The following CTTNBP2 variants were observed in gnomAD, a reference collection of about 807,000 sequenced individuals.
CTTNBP2 encodes cortactin binding protein 2, also known as cortactin-binding protein 2.
In CTTNBP2, 108 loss-of-function variants were observed where a neutral mutation model predicts 156.9. The observed-to-expected ratio is 0.69, with a 90% CI of 0.59 to 0.81. The LOEUF is 0.81. Ranked by LOEUF, CTTNBP2 falls within the 30% of genes least tolerant of loss-of-function variation. The probability of loss-of-function intolerance (pLI) is 0.00; values close to 1 mark genes in which losing one functional copy is unlikely to be tolerated. For missense variants in CTTNBP2, 1,924 were observed against 2,035.4 expected, an observed-to-expected ratio of 0.95 and a Z score of 1.05; for synonymous variants, 767 against 751.8, an observed-to-expected ratio of 1.02 and a Z score of -0.33.
chr7:117,720,406 CTG>C (rs1344132027), intron 20 of CTTNBP2, among the ~76,000 whole-genome samples: 1 of 152,146 alleles, frequency 6.6e-6, no homozygotes, highest in Non-Finnish European at 1.5e-5. Flanking sequence ...TAAATTATCA[CTG>C]TAAATTTATA....
chr7:117,830,935 A>C (rs1801565356), intron 2 of CTTNBP2, among the ~76,000 whole-genome samples: 1 of 152,222 alleles, frequency 6.6e-6, no homozygotes, highest in Non-Finnish European at 1.5e-5. Flanking sequence ...CCTCTTGGCT[A>C]GAAAAAAGAT....
chr7:117,783,745 T>C (rs891343831), intron 5 of CTTNBP2, among the ~76,000 whole-genome samples: 2 of 152,242 alleles, frequency 1.3e-5, no homozygotes, highest in Non-Finnish European at 2.9e-5. Flanking sequence ...TGTTTTGGTA[T>C]ATTTGACTAC....
Position 117,777,776 on chromosome 7 carries a change from A to G in CTTNBP2, c.2524-11T>C. The G allele has an allele frequency of 2.5e-6, 4 of 1,601,364 alleles. No homozygotes were observed. Among genetic ancestry groups the G allele is most frequent in the Non-Finnish European group, 3.4e-6 (4 of 1,170,858 alleles). ...TGGTGTCCAGCCATCCTGAAAATAA[A>G]ATGACCAGGGGGAAAGGGTTGATAA... On this transcript the variant is annotated splice_polypyrimidine_tract_variant and intron_variant, in intron 7 of 22. Transcript: ENST00000160373.
At chr7:117,843,072 T>C (rs1253542052) in intron 2 of CTTNBP2, among the ~76,000 whole-genome samples, 1 of 152,242 alleles carries the variant, frequency 6.6e-6, no homozygotes, top group Non-Finnish European at 1.5e-5. Context: ...GGTTGTAATC[T>C]GTACTAAACA....
Position 117,780,458 on chromosome 7 carries a change from G to A in CTTNBP2, c.2506C>T (p.Arg836Ter), listed in dbSNP as rs919727387. ...CTACTCACTGTGGTTTTTACACTTC[G>A]ATTGGTTCCAGCTTCCAACAAGAGT... is the stretch of plus-strand genomic sequence containing the variant. Reference protein sequence around the residue: ...IKLLLEAGTNRSVKTTDGWTP... With the variant: ...IKLLLEAGTN The change falls in exon 7 of 23, where the codon CGA becomes TGA. Residue 836 changes from arginine to a stop codon, truncating the protein, a stop_gained. Transcript: ENST00000160373. LOFTEE classifies it high-confidence loss of function. 5.1e-6 allele frequency: 8 copies of A among 1,573,168 alleles called. No homozygotes were observed. The highest frequency in any genetic ancestry group is 2.4e-5 in the South Asian group (2 of 83,184).
At chr7:117,723,120 C>T (rs1374390435) in intron 19 of CTTNBP2, among the ~76,000 whole-genome samples, 1 of 152,070 alleles carries the variant, frequency 6.6e-6, no homozygotes, top group Non-Finnish European at 1.5e-5. Flanking sequence ...GAAGTAATAA[C>T]AAGCTCTTAA....
At chr7:117,807,506 G>T (rs368148566) in intron 3 of CTTNBP2, among the ~76,000 whole-genome samples, 2 of 152,252 alleles carry the variant, frequency 1.3e-5, no homozygotes, top group South Asian at 4.1e-4. Flanking sequence ...CGGTTGTCTA[G>T]CACTGGAAAC....
chr7:117,779,255 C>T (rs1265326851), intron 7 of CTTNBP2, among the ~76,000 whole-genome samples: 2 of 152,096 alleles, frequency 1.3e-5, no homozygotes. Context: ...GTGCTTTTGA[C>T]CTTTCCCAAT....
intron 2 of CTTNBP2, among the ~76,000 whole-genome samples, chr7:117,824,230 A>G (rs1315060487): frequency 1.3e-5 from 2 of 151,964 alleles, no homozygotes; most frequent in African/African-American, 4.8e-5. Flanking sequence ...CTTAAAATAC[A>G]TAATATTTTA....
chr7:117,842,842 C>A (rs1022564256), intron 2 of CTTNBP2, among the ~76,000 whole-genome samples: 2 of 152,190 alleles, frequency 1.3e-5, no homozygotes, highest in African/African-American at 4.8e-5. Flanking sequence ...AATCTAAATA[C>A]TTTCATTCAG....
chr7:117,711,339 C>T lies in CTTNBP2; in HGVS notation c.*198G>A. On this transcript the variant is annotated 3_prime_UTR_variant, in exon 23 of 23. Transcript: ENST00000160373. ...TAACTTCCTGGTATTGAAGTTCAAT[C>T]CTACAGAATTAAAAAAAAAAGCAAC... 1.8e-6 allele frequency: 1 copy of T among 543,096 alleles called. No homozygotes were observed. 33.6% of individuals were successfully genotyped at this position (543,096 alleles called of 1,614,324 possible). A position where few individuals can be genotyped will look rare whatever the true frequency, so the allele number is the denominator to read the frequency against.
rs1804761382 is a variant in CTTNBP2 at position 117,873,338 on chromosome 7, C to CGCCTCCGCCGCG, written c.66_77dup (p.Ala24_Ala27dup). Reference sequence around the variant, plus strand: ...CCCGCCCCGGGAACTCGGTTACCGCCGCCTCCGCCGCGGCCCCCGCCGCGT... The same window carrying CGCCTCCGCCGCG: ...CCCGCCCCGGGAACTCGGTTACCGCCGCCTCCGCCGCGGCCTCCGCCGCGGCCCCCGCCGCGT... On this transcript the variant is annotated inframe_insertion, in exon 1 of 23. Transcript: ENST00000160373. The CGCCTCCGCCGCG allele has an allele frequency of 6.9e-7, 1 of 1,445,574 alleles. No individual in the cohort carries two copies. Among genetic ancestry groups the CGCCTCCGCCGCG allele is most frequent in the Non-Finnish European group, 9.1e-7 (1 of 1,103,500 alleles). 89.5% of individuals were successfully genotyped at this position (1,445,574 alleles called of 1,614,324 possible). A position where few individuals can be genotyped will look rare whatever the true frequency, so the allele number is the denominator to read the frequency against.
chr7:117,711,370 G>C lies in CTTNBP2; in HGVS notation c.*167C>G. 1 of 671,908 alleles carries C rather than the reference G, an allele frequency of 1.5e-6. No individual in the cohort carries two copies. The highest frequency in any genetic ancestry group is 2.3e-6 in the Non-Finnish European group (1 of 435,716). 41.6% of individuals were successfully genotyped at this position (671,908 alleles called of 1,614,324 possible). ...GAATTAAAAAAAAAAGCAACAAAAT[G>C]TTGGTTATAAATACATTCTTTACAA... On this transcript the variant is annotated 3_prime_UTR_variant, in exon 23 of 23. Transcript: ENST00000160373.
intron 9 of CTTNBP2, among the ~76,000 whole-genome samples, chr7:117,766,157 A>G (rs766161374): frequency 3.9e-5 from 6 of 152,202 alleles, no homozygotes; most frequent in Non-Finnish European, 7.3e-5. Flanking sequence ...TCAGCTTGTA[A>G]TAAGAGAACT....
At chr7:117,729,866 GTC>G (rs1322565644) in intron 16 of CTTNBP2, among the ~76,000 whole-genome samples, 1 of 152,150 alleles carries the variant, frequency 6.6e-6, no homozygotes, top group Non-Finnish European at 1.5e-5. Context: ...CTTCAGCTGG[GTC>G]TCTCACAGGA....
chr7:117,818,079 C>T (rs1800727516), intron 2 of CTTNBP2, among the ~76,000 whole-genome samples: 1 of 152,098 alleles, frequency 6.6e-6, no homozygotes, highest in African/African-American at 2.4e-5. Flanking sequence ...AAAAGAAAGA[C>T]AAAAATATGA....
At position 117,777,731 on chromosome 7, in the gene CTTNBP2, G is replaced by A; in HGVS notation, c.2558C>T (p.Thr853Ile). 1.9e-6 allele frequency: 3 copies of A among 1,613,866 alleles called. No individual in the cohort carries two copies. The highest frequency in any genetic ancestry group is 1.7e-6 in the Non-Finnish European group (2 of 1,179,792). Residue 853 changes from threonine (T) to isoleucine (I), a missense_variant, in exon 8 of 23, where the codon ACT becomes ATT. Coordinates refer to ENST00000160373, the MANE Select transcript of CTTNBP2 (RefSeq NM_033427.3). Reference protein sequence around the residue: ...GWTPVHAAVDTGNVDSLKLLM... With the variant: ...GWTPVHAAVDIGNVDSLKLLM... ...AAGCTTGAGGCTGTCCACATTACCA[G>A]TGTCCACAGCTGCGTGAACTGGTGT...
chr7:117,779,724 C>A (rs1027940781), intron 7 of CTTNBP2, among the ~76,000 whole-genome samples: 1 of 150,670 alleles, frequency 6.6e-6, no homozygotes, highest in Non-Finnish European at 1.5e-5. Flanking sequence ...CTTATTACAT[C>A]TCTGCATATA....
chr7:117,746,055 G>A lies in CTTNBP2; in HGVS notation c.3393C>T (p.Ser1131=), dbSNP rs1389320072. 1.9e-6 allele frequency: 3 copies of A among 1,613,958 alleles called. No individual in the cohort carries two copies. In the Admixed American group the frequency reaches 5.0e-5, roughly 27 times the overall value. Residue 1131 remains serine (S), a synonymous_variant, in exon 13 of 23, where the codon AGC becomes AGT. Transcript: ENST00000160373. The part of the protein sequence containing the change: ...HNVIFHGPEG[S]LQDYIVHQLA... ...GCTGATGTACTATGTAGTCTTGCAA[G>A]CTTCCTTCTGGGCCGTGGAAAATGA...
Sources: allele counts gnomAD v4.1 joint callset (sites outside exome capture counted in the v4.1 genomes callset), GRCh38; gene constraint gnomAD v4.1.1; transcripts MANE v1.5; gene names NCBI Gene and HGNC (gene_info 2026-07-23, HGNC 2026-07-21).